Variants in VAV3 observed in about 807,000 individuals in gnomAD.
The protein encoded by VAV3 is vav guanine nucleotide exchange factor 3.
In VAV3, 94 loss-of-function variants were observed where a neutral mutation model predicts 131.2. That is an observed-to-expected ratio of 0.72 (90% CI 0.61 to 0.85). VAV3 has a LOEUF of 0.85. Among genes scored for constraint, VAV3 ranks in the 40% least tolerant of loss-of-function variants. The pLI is 0.00. For missense variants in VAV3, 939 were observed against 1,002.7 expected (o/e 0.94, Z 0.86); for synonymous variants, 349 against 342.0 (o/e 1.02, Z -0.22).
chr1:107,809,539 G>C (rs983214440), intron 2 of VAV3, among the ~76,000 whole-genome samples: 20 of 152,100 alleles, frequency 1.3e-4, no homozygotes, highest in African/African-American at 4.8e-4. Context: ...GCAAAACCCT[G>C]TCATAAATAT....
intron 20 of VAV3, among the ~76,000 whole-genome samples, chr1:107,625,401 G>T (rs1653942125): frequency 6.6e-6 from 1 of 151,970 alleles, no homozygotes; most frequent in African/African-American, 2.4e-5. Context: ...CGAGTAGCTG[G>T]GATTACAGGC....
At chr1:107,640,456 G>A (rs1334147256) in intron 20 of VAV3, among the ~76,000 whole-genome samples, 4 of 152,164 alleles carry the variant, frequency 2.6e-5, no homozygotes, top group African/African-American at 9.7e-5. Context: ...GCTGAGGGTT[G>A]TTGCGCAAGG....
intron 1 of VAV3, among the ~76,000 whole-genome samples, chr1:107,899,860 T>A (rs1406235036): frequency 6.6e-6 from 1 of 152,180 alleles, no homozygotes; most frequent in Non-Finnish European, 1.5e-5. Flanking sequence ...CCAGAACAGA[T>A]AAGCAATAAA....
intron 15 of VAV3, among the ~76,000 whole-genome samples, chr1:107,720,773 G>A (rs1337844489): frequency 6.6e-6 from 1 of 152,200 alleles, no homozygotes; most frequent in Non-Finnish European, 1.5e-5. Context: ...CCATAAAGTT[G>A]AAGAGACAAG....
At chr1:107,607,043 C>T (rs1208387260) in intron 22 of VAV3, among the ~76,000 whole-genome samples, 1 of 150,600 alleles carries the variant, frequency 6.6e-6, no homozygotes, top group Non-Finnish European at 1.5e-5. Flanking sequence ...CAACCTCCAC[C>T]TCCAGGGTTC....
In VAV3 at chr1:107,908,820, AACACACACACACACACACACAC is replaced by A. The variant is rs59211285; in HGVS notation, c.205-33825_205-33804del. The stretch of plus-strand genomic sequence containing the variant: ...TCACCCAACACCCCCGCCCCACTCA[AACACACACACACACACACACAC>A]ACACACACACACACACACACACACA... On this transcript the variant is annotated intron_variant, in intron 1 of 26. Transcript: ENST00000370056. Among the ~76,000 whole-genome samples, 52 of 129,430 alleles carry A rather than the reference AACACACACACACACACACACAC, an allele frequency of 4.0e-4. 1 individual carries two copies. The highest frequency in any genetic ancestry group is 1.1e-3 in the South Asian group (4 of 3,658). The allele number at this position is 129,430 out of a possible 152,430, so 84.9% of individuals were successfully genotyped here.
intron 15 of VAV3, among the ~76,000 whole-genome samples, chr1:107,726,001 A>G (rs905440397): frequency 6.6e-6 from 1 of 151,852 alleles, no homozygotes; most frequent in Non-Finnish European, 1.5e-5. Context: ...GGAAAACAAA[A>G]CTCCTTCGAA....
Position 107,675,213 on chromosome 1 carries a change from T to C in VAV3, c.1777+8275A>G, listed in dbSNP as rs574893268. Among the ~76,000 whole-genome samples, 3 of 152,302 alleles carry C rather than the reference T, an allele frequency of 2.0e-5. No homozygotes were observed. In the South Asian group the frequency reaches 6.2e-4, roughly 32 times the overall value. Reference sequence around the variant, plus strand: ...TTCATGGTAAATTGTTACATAGCAATAGAAAATACAGGTATCTATATGTAT... The same window carrying C: ...TTCATGGTAAATTGTTACATAGCAACAGAAAATACAGGTATCTATATGTAT... On this transcript the variant is annotated intron_variant, in intron 19 of 26. Coordinates refer to ENST00000370056, the MANE Select transcript of VAV3 (RefSeq NM_006113.5).
At chr1:107,614,653 C>G (rs1216086569) in intron 21 of VAV3, among the ~76,000 whole-genome samples, 1 of 152,062 alleles carries the variant, frequency 6.6e-6, no homozygotes, top group East Asian at 1.9e-4. Context: ...AAATATCATT[C>G]AATATGATTC....
intron 1 of VAV3, among the ~76,000 whole-genome samples, chr1:107,959,533 C>T (rs773320747): frequency 6.6e-6 from 1 of 152,100 alleles, no homozygotes; most frequent in African/African-American, 2.4e-5. Context: ...GACATGTCAT[C>T]GCTCCTCCCA....
At chr1:107,792,981 A>T (rs920763324) in intron 2 of VAV3, among the ~76,000 whole-genome samples, 2 of 152,138 alleles carry the variant, frequency 1.3e-5, no homozygotes, top group East Asian at 1.9e-4. Flanking sequence ...TATCAGTATA[A>T]ATATTTATAT....
At chr1:107,911,983 C>T (rs1023248764) in intron 1 of VAV3, among the ~76,000 whole-genome samples, 1 of 152,154 alleles carries the variant, frequency 6.6e-6, no homozygotes, top group Admixed American at 6.5e-5. Flanking sequence ...AGTAATGACA[C>T]AGAACAGCCA....
intron 20 of VAV3, among the ~76,000 whole-genome samples, chr1:107,632,365 G>A (rs930856427): frequency 6.6e-6 from 1 of 152,140 alleles, no homozygotes; most frequent in Non-Finnish European, 1.5e-5. Flanking sequence ...GGTAAGCACT[G>A]CTCTGGTATA....
At chr1:107,959,033 G>A (rs76261229) in intron 1 of VAV3, among the ~76,000 whole-genome samples, 4,302 of 152,140 alleles carry the variant, frequency 0.028, 100 homozygotes, top group East Asian at 0.1. Context: ...AGGCCAAGGC[G>A]GCCTGATGAC....
chr1:107,893,527 G>A (rs1671414731), intron 1 of VAV3, among the ~76,000 whole-genome samples: 1 of 152,186 alleles, frequency 6.6e-6, no homozygotes, highest in Non-Finnish European at 1.5e-5. Flanking sequence ...CATAATCATG[G>A]CGGAAGGTGA....
At chr1:107,895,661 C>G (rs1222429589) in intron 1 of VAV3, among the ~76,000 whole-genome samples, 10 of 152,140 alleles carry the variant, frequency 6.6e-5, no homozygotes. Context: ...GAAAGAAAAA[C>G]TGGTATTATT....
intron 4 of VAV3, 41 bp downstream of exon 4, chr1:107,777,190 A>G: frequency 6.4e-7 from 1 of 1,561,372 alleles, no homozygotes; most frequent in African/African-American, 1.4e-5. Context: ...TGGACACATA[A>G]ATTGGCAGTG....
At chr1:107,817,676 G>C (rs561117234) in intron 2 of VAV3, among the ~76,000 whole-genome samples, 38 of 152,226 alleles carry the variant, frequency 2.5e-4, no homozygotes, top group Admixed American at 8.5e-4. Context: ...CATAGGCAGG[G>C]GGGTGAGGAG....
chr1:107,865,166 G>C (rs563186118), intron 2 of VAV3, among the ~76,000 whole-genome samples: 1 of 152,300 alleles, frequency 6.6e-6, no homozygotes, highest in South Asian at 2.1e-4. Flanking sequence ...GTGAAAGTCA[G>C]TTTTACTTGA....
Sources: allele counts gnomAD v4.1 joint callset (sites outside exome capture counted in the v4.1 genomes callset), GRCh38; gene constraint gnomAD v4.1.1; transcripts MANE v1.5; gene names NCBI Gene and HGNC (gene_info 2026-07-23, HGNC 2026-07-21).